The following NR2C2 variants were observed in gnomAD, a reference collection of about 807,000 sequenced individuals.
The protein encoded by NR2C2 is Nuclear hormone receptor TR4.
In NR2C2, 6 loss-of-function variants were observed where a neutral mutation model predicts 62.9. That is an observed-to-expected ratio of 0.10 (90% CI 0.05 to 0.19). The LOEUF (loss-of-function observed/expected upper bound fraction) is 0.19, where lower values mean the gene tolerates loss of function less well. Ranked by LOEUF, NR2C2 falls within the 10% of genes least tolerant of loss-of-function variation. The pLI, the probability that NR2C2 is intolerant of heterozygous loss-of-function variation, is 1.00. For missense variants in NR2C2, 479 were observed against 762.7 expected (o/e 0.63, Z 4.38); for synonymous variants, 272 against 273.8 (o/e 0.99, Z 0.07).
rs2042526957 is a variant in NR2C2 at position 15,048,291 on chromosome 3, A to G, written c.*5283A>G. On this transcript the variant is annotated 3_prime_UTR_variant, in exon 14 of 14. Transcript: ENST00000425241. ...TTCCCCGTCATAGCCTGTCGTGACAATCACGCTATTGAAAGTGGCTTTCTA... is the reference window on the plus strand; with the variant it reads ...TTCCCCGTCATAGCCTGTCGTGACAGTCACGCTATTGAAAGTGGCTTTCTA... 6.6e-6 allele frequency: 1 copy of G among 152,642 alleles called. No homozygotes were observed. 9.5% of individuals were successfully genotyped at this position (152,642 alleles called of 1,614,324 possible). A position where few individuals can be genotyped will look rare whatever the true frequency, so the allele number is the denominator to read the frequency against.
chr3:14,998,943 C>A (rs2040907319), intron 1 of NR2C2, among the ~76,000 whole-genome samples: 1 of 152,162 alleles, frequency 6.6e-6, no homozygotes, highest in African/African-American at 2.4e-5. Context: ...TTGGTTGAGG[C>A]TGCAGTGAGC....
At chr3:15,022,661 G>A (rs888752267) in intron 5 of NR2C2, among the ~76,000 whole-genome samples, 8 of 151,988 alleles carry the variant, frequency 5.3e-5, no homozygotes, top group African/African-American at 1.2e-4. Flanking sequence ...GATTACAGAC[G>A]TGAGCCACCA....
chr3:14,979,096 C>T (rs2040288757), intron 1 of NR2C2, among the ~76,000 whole-genome samples: 1 of 152,192 alleles, frequency 6.6e-6, no homozygotes, highest in Non-Finnish European at 1.5e-5. Context: ...GCTTTCTGTC[C>T]TCCAAAAGTA....
At chr3:14,952,504 A>G (rs950957453) in intron 1 of NR2C2, among the ~76,000 whole-genome samples, 4 of 152,222 alleles carry the variant, frequency 2.6e-5, no homozygotes, top group Non-Finnish European at 5.9e-5. Context: ...GAATCTCAGA[A>G]TTGGAAGTGG....
chr3:14,973,322 C>T (rs1374518292), intron 1 of NR2C2, among the ~76,000 whole-genome samples: 1 of 151,948 alleles, frequency 6.6e-6, no homozygotes, highest in Non-Finnish European at 1.5e-5. Context: ...ACTTCCTGGG[C>T]TCAAGCAGTT....
intron 11 of NR2C2, among the ~76,000 whole-genome samples, chr3:15,036,714 C>T (rs1390069671): frequency 6.6e-6 from 1 of 152,154 alleles, no homozygotes; most frequent in Non-Finnish European, 1.5e-5. Context: ...CTTGGAATTT[C>T]ACTTTTAATT....
chr3:15,018,341 C>G (rs2041569161), intron 4 of NR2C2, among the ~76,000 whole-genome samples: 1 of 152,108 alleles, frequency 6.6e-6, no homozygotes, highest in South Asian at 2.1e-4. Context: ...TTGGAGATAC[C>G]ATGCAAACTG....
chr3:15,020,644 A>G, intron 4 of NR2C2, 109 bp from the exon 5 acceptor site: 1 of 1,263,228 alleles, frequency 7.9e-7, no homozygotes, highest in African/African-American at 1.5e-5. Flanking sequence ...CTAACAGTGT[A>G]TGGCACCCAT....
chr3:15,029,054 T>C (rs751938239), intron 8 of NR2C2, among the ~76,000 whole-genome samples: 9 of 152,110 alleles, frequency 5.9e-5, no homozygotes, highest in Non-Finnish European at 1.2e-4. Context: ...TAAGAGTTCA[T>C]TCCCTTTCCT....
chr3:14,951,779 G>A (rs1173281525), intron 1 of NR2C2, among the ~76,000 whole-genome samples: 4 of 151,620 alleles, frequency 2.6e-5, no homozygotes, highest in Non-Finnish European at 5.9e-5. Flanking sequence ...TGGGAGTCTC[G>A]CTCTGTCACC....
rs989860901 is a variant in NR2C2, at chr3:15,048,216, T to G, written c.*5208T>G. ...GCCTTCAGCTTCCCTGTTTTTGATG[T>G]AGAGAAAGCTTCTATTTCACTGGCC... On this transcript the variant is annotated 3_prime_UTR_variant, in exon 14 of 14. Coordinates refer to ENST00000425241, the MANE Select transcript of NR2C2 (RefSeq NM_001291694.2). 6.5e-6 allele frequency: 1 copy of G among 152,708 alleles called. No individual in the cohort carries two copies. The highest frequency in any genetic ancestry group is 1.5e-5 in the Non-Finnish European group (1 of 68,054). 9.5% of individuals were successfully genotyped at this position (152,708 alleles called of 1,614,324 possible).
At chr3:15,038,718 T>C (rs1317579814) in intron 12 of NR2C2, 3 of 174,466 alleles carry the variant, frequency 1.7e-5, no homozygotes, top group African/African-American at 4.8e-5. Context: ...CCTTTTTGTC[T>C]TCCTTCCCAG....
intron 11 of NR2C2, among the ~76,000 whole-genome samples, chr3:15,035,362 C>T (rs1172605544): frequency 6.6e-6 from 1 of 152,106 alleles, no homozygotes; most frequent in African/African-American, 2.4e-5. Context: ...CCTCTTCATA[C>T]GATTAATATG....
chr3:15,036,767 G>A (rs2042114695), intron 11 of NR2C2, among the ~76,000 whole-genome samples: 1 of 152,214 alleles, frequency 6.6e-6, no homozygotes, highest in Admixed American at 6.5e-5. Context: ...GAGTGACATA[G>A]TCATACATTT....
intron 1 of NR2C2, chr3:14,962,263 C>G (rs749035043): frequency 6.6e-6 from 1 of 152,564 alleles, no homozygotes; most frequent in African/African-American, 2.4e-5. Context: ...GCAGCATATA[C>G]AGATAGGTCT....
At chr3:15,026,404 C>G (rs1424621445) in intron 7 of NR2C2, 1 of 152,118 alleles carries the variant, frequency 6.6e-6, no homozygotes, top group Non-Finnish European at 1.5e-5. Context: ...GGTATATTTA[C>G]AAGGTTGTAC....
chr3:15,043,941 A>T lies in NR2C2; in HGVS notation c.*933A>T, dbSNP rs1459163369. The T allele has an allele frequency of 3.9e-5, 6 of 152,238 alleles. No individual in the cohort carries two copies. Among genetic ancestry groups the T allele is most frequent in the Non-Finnish European group, 8.8e-5 (6 of 68,044 alleles). 9.4% of individuals were successfully genotyped at this position (152,238 alleles called of 1,614,324 possible). On this transcript the variant is annotated 3_prime_UTR_variant, in exon 14 of 14. Transcript: ENST00000425241. ...GTGGCAGATGGAGCCTTGTGACCAAAAAGTGCAAGGTGGGCATTTTGAGCT... is the reference window on the plus strand; with the variant it reads ...GTGGCAGATGGAGCCTTGTGACCAATAAGTGCAAGGTGGGCATTTTGAGCT...
intron 12 of NR2C2, chr3:15,038,659 C>T (rs1176585257): frequency 6.0e-6 from 1 of 167,822 alleles, no homozygotes; most frequent in Non-Finnish European, 1.3e-5. Flanking sequence ...CTGGAAAAGT[C>T]ACTTAGGCTA....
At chr3:15,037,239 G>GTT (rs1491514104) in intron 11 of NR2C2, among the ~76,000 whole-genome samples, 6 of 149,536 alleles carry the variant, frequency 4.0e-5, no homozygotes, top group African/African-American at 1.5e-4. Flanking sequence ...GTGTGTGTGT[G>GTT]TTTTTGTTTT....
Sources: gnomAD v4.1 joint callset for allele counts (sites outside exome capture counted in the v4.1 genomes callset) on GRCh38, gnomAD v4.1.1 for gene constraint, MANE v1.5 for transcripts, NCBI Gene and HGNC (gene_info 2026-07-23, HGNC 2026-07-21) for gene names.